The following PITPNC1 variants were observed in gnomAD, a reference collection of about 807,000 sequenced individuals.
PITPNC1 encodes cytoplasmic phosphatidylinositol transfer protein 1.
In PITPNC1, 18 loss-of-function variants were observed where a neutral mutation model predicts 44.7. The observed-to-expected ratio is 0.40, with a 90% confidence interval of 0.28 to 0.60. PITPNC1 has a LOEUF of 0.60. Among genes scored for constraint, PITPNC1 ranks in the 20% least tolerant of loss-of-function variants. PITPNC1 has a pLI of 0.39. For missense variants in PITPNC1, 290 were observed against 418.4 expected, an observed-to-expected ratio of 0.69 and a Z score of 2.68; for synonymous variants, 141 against 149.6, an observed-to-expected ratio of 0.94 and a Z score of 0.42.
At chr17:67,440,098 G>C (rs1370600220) in intron 1 of PITPNC1, among the ~76,000 whole-genome samples, 1 of 152,166 alleles carries the variant, frequency 6.6e-6, no homozygotes, top group African/African-American at 2.4e-5. Flanking sequence ...CTAGAGAATA[G>C]TGAGGCTAGT....
intron 1 of PITPNC1, among the ~76,000 whole-genome samples, chr17:67,498,141 A>T (rs2039980706): frequency 6.6e-6 from 1 of 152,158 alleles, no homozygotes; most frequent in Non-Finnish European, 1.5e-5. Flanking sequence ...AAGTGCTAGG[A>T]TTACAGGCGT....
intron 5 of PITPNC1, among the ~76,000 whole-genome samples, chr17:67,582,340 C>A (rs2041246417): frequency 2.6e-5 from 4 of 152,082 alleles, no homozygotes; most frequent in Admixed American, 2.6e-4. Context: ...AAACTCAGTT[C>A]ATTTCTTTGC....
At chr17:67,599,347 A>G (rs1307268330) in intron 5 of PITPNC1, among the ~76,000 whole-genome samples, 1 of 152,054 alleles carries the variant, frequency 6.6e-6, no homozygotes, top group Non-Finnish European at 1.5e-5. Flanking sequence ...AGACCTAGAG[A>G]TACAGATTTG....
intron 6 of PITPNC1, among the ~76,000 whole-genome samples, chr17:67,642,431 A>T (rs2042102168): frequency 6.6e-6 from 1 of 152,050 alleles, no homozygotes; most frequent in African/African-American, 2.4e-5. Context: ...ATCAACCTAC[A>T]TCCTTCCCTC....
chr17:67,568,687 A>G (rs2144208193), intron 4 of PITPNC1, among the ~76,000 whole-genome samples: 1 of 151,556 alleles, frequency 6.6e-6, no homozygotes, highest in East Asian at 1.9e-4. Context: ...GAAAAGGGGG[A>G]AACAGCTCCT....
chr17:67,689,067 T>C (rs1203972406), intron 8 of PITPNC1, among the ~76,000 whole-genome samples: 2 of 152,150 alleles, frequency 1.3e-5, no homozygotes, highest in African/African-American at 2.4e-5. Context: ...CTGGGCGTGG[T>C]GGCGCATGCC....
intron 6 of PITPNC1, chr17:67,638,983 C>A (rs1193940426): frequency 6.6e-6 from 1 of 152,042 alleles, no homozygotes; most frequent in African/African-American, 2.4e-5. Flanking sequence ...ATTCTCTGGG[C>A]ATAGTAGCAT....
intron 1 of PITPNC1, among the ~76,000 whole-genome samples, chr17:67,456,323 G>C (rs1193389021): frequency 6.6e-6 from 1 of 152,028 alleles, no homozygotes; most frequent in Non-Finnish European, 1.5e-5. Context: ...CTTGTAAATA[G>C]CTTATAGCTA....
At chr17:67,432,437 G>A (rs573655404) in intron 1 of PITPNC1, among the ~76,000 whole-genome samples, 2 of 152,232 alleles carry the variant, frequency 1.3e-5, no homozygotes, top group South Asian at 4.2e-4. Context: ...GCAGTGAGCC[G>A]AGCTTGCAGT....
In PITPNC1 at chr17:67,599,001, CATATATATATATATATATAT is replaced by C. The variant is rs1172990089; in HGVS notation, c.366+20759_366+20778del. 3.1e-4 allele frequency among the ~76,000 whole-genome samples: 14 copies of C among 45,162 alleles called. No individual in the cohort carries two copies. The South Asian group carries it at 6.3e-3, about 20-fold the overall frequency. The allele number at this position is 45,162 out of a possible 152,430, so 29.6% of individuals were successfully genotyped here. A position where few individuals can be genotyped will look rare whatever the true frequency, so the allele number is the denominator to read the frequency against. On this transcript the variant is annotated intron_variant, in intron 5 of 8. Coordinates refer to ENST00000581322, the MANE Select transcript of PITPNC1 (RefSeq NM_012417.4). ...TCAGCCCCCAAAACTATAAGAAATA[CATATATATATATATATATAT>C]ATATATATATATATTTTTTTTTTTT...
chr17:67,457,448 G>A (rs2039271406), intron 1 of PITPNC1: 2 of 152,290 alleles, frequency 1.3e-5, no homozygotes, highest in Admixed American at 6.5e-5. Flanking sequence ...GTGCAGTGGT[G>A]CAATCTTGGC....
At chr17:67,666,448 G>C (rs1272398033) in intron 6 of PITPNC1, among the ~76,000 whole-genome samples, 1 of 152,184 alleles carries the variant, frequency 6.6e-6, no homozygotes, top group Non-Finnish European at 1.5e-5. Context: ...AGCTTCTTAA[G>C]GCTCACGAGA....
At chr17:67,639,479 G>A (rs2042069184) in intron 6 of PITPNC1, among the ~76,000 whole-genome samples, 1 of 152,182 alleles carries the variant, frequency 6.6e-6, no homozygotes. Flanking sequence ...GATAAATACA[G>A]CATAGTAAGT....
chr17:67,640,714 GCACAGTGGCTCA>G (rs1358482050), intron 6 of PITPNC1, among the ~76,000 whole-genome samples: 1 of 150,122 alleles, frequency 6.7e-6, no homozygotes, highest in Non-Finnish European at 1.5e-5. Context: ...AAGAGGCCGG[GCACAGTGGCTCA>G]CACCTGTAAT....
intron 6 of PITPNC1, among the ~76,000 whole-genome samples, chr17:67,653,056 C>T (rs1420543599): frequency 1.3e-5 from 2 of 152,058 alleles, no homozygotes; most frequent in East Asian, 1.9e-4. Flanking sequence ...TCAACGCAGG[C>T]GGATCTCTTG....
chr17:67,461,323 A>T (rs1039886989), intron 1 of PITPNC1, among the ~76,000 whole-genome samples: 6 of 152,260 alleles, frequency 3.9e-5, no homozygotes, highest in African/African-American at 1.4e-4. Context: ...TCAAATAGAT[A>T]ATAGGTCCCC....
intron 4 of PITPNC1, among the ~76,000 whole-genome samples, chr17:67,568,590 G>A (rs909580093): frequency 6.6e-6 from 1 of 151,996 alleles, no homozygotes; most frequent in Non-Finnish European, 1.5e-5. Context: ...GCAGTAGTGT[G>A]ATCATAGCTC....
At chr17:67,476,375 C>T (rs546224679) in intron 1 of PITPNC1, among the ~76,000 whole-genome samples, 12 of 151,934 alleles carry the variant, frequency 7.9e-5, no homozygotes, top group Admixed American at 2.6e-4. Context: ...TTAGTGGAGA[C>T]GGGGTTTCCC....
chr17:67,534,198 C>T (rs978301158), intron 2 of PITPNC1, among the ~76,000 whole-genome samples: 57 of 152,052 alleles, frequency 3.7e-4, no homozygotes, highest in Non-Finnish European at 6.3e-4. Flanking sequence ...CCCGGCCTTT[C>T]TTGCTATTTT....
Sources: allele counts gnomAD v4.1 joint callset (sites outside exome capture counted in the v4.1 genomes callset), GRCh38; gene constraint gnomAD v4.1.1; transcripts MANE v1.5; gene names NCBI Gene and HGNC (gene_info 2026-07-23, HGNC 2026-07-21).